CLEC5A: variants seen among roughly 807,000 people sequenced by gnomAD.
The protein encoded by CLEC5A is C-type lectin domain family 5 member A.
CLEC5A carries 15 observed loss-of-function variants against 24.4 expected under a neutral mutation model. The observed-to-expected ratio is 0.62, with a 90% CI of 0.41 to 0.95. The LOEUF (loss-of-function observed/expected upper bound fraction) is 0.95. CLEC5A is among the 40% of genes least tolerant of loss of function. The probability of loss-of-function intolerance (pLI) is 0.00; values close to 1 mark genes in which losing one functional copy is unlikely to be tolerated. For synonymous variants in CLEC5A, 71 were observed against 72.6 expected (o/e 0.98, Z 0.11); for missense variants, 211 against 224.0 (o/e 0.94, Z 0.37).
intron 5 of CLEC5A, among the ~76,000 whole-genome samples, chr7:141,934,144 G>A (rs916358566): frequency 2.0e-5 from 3 of 152,116 alleles, no homozygotes; most frequent in Admixed American, 6.5e-5. Flanking sequence ...GAGAACTGGC[G>A]TTTAACCCAC....
chr7:141,940,482 A>G (rs1554441524), intron 4 of CLEC5A, among the ~76,000 whole-genome samples: 1 of 151,892 alleles, frequency 6.6e-6, no homozygotes, highest in African/African-American at 2.4e-5. Context: ...AAGAAAAAAT[A>G]AAAACTTCAA....
chr7:141,937,844 T>C (rs1802675826), intron 4 of CLEC5A, among the ~76,000 whole-genome samples: 1 of 152,148 alleles, frequency 6.6e-6, no homozygotes, highest in Non-Finnish European at 1.5e-5. Context: ...GAGATTCTGT[T>C]TGGGAGAAAG....
chr7:141,930,808 A>C (rs1349670392), intron 6 of CLEC5A, among the ~76,000 whole-genome samples: 1 of 152,228 alleles, frequency 6.6e-6, no homozygotes, highest in African/African-American at 2.4e-5. Context: ...ACTTGTCCTC[A>C]GTTCAACTGT....
chr7:141,941,717 C>G (rs782489946), intron 4 of CLEC5A, among the ~76,000 whole-genome samples: 2 of 151,826 alleles, frequency 1.3e-5, no homozygotes, highest in Non-Finnish European at 2.9e-5. Context: ...AACTGATAAA[C>G]AAATTCAGTA....
intron 4 of CLEC5A, among the ~76,000 whole-genome samples, chr7:141,943,166 A>C (rs1802849268): frequency 6.6e-6 from 1 of 152,216 alleles, no homozygotes; most frequent in Non-Finnish European, 1.5e-5. Context: ...AAGATTTGGA[A>C]ACAACCTAAG....
rs147889771 is a variant in CLEC5A at position 141,935,165 on chromosome 7, G to A, written c.345+649C>T. ...AGAGGAGGAATAAAGGGATAGAAGC[G>A]AGAGAAGCAAGAGTATAGTGTATGT... is the stretch of plus-strand genomic sequence containing the variant. On this transcript the variant is annotated intron_variant, in intron 5 of 6. Coordinates refer to ENST00000546910, the MANE Select transcript of CLEC5A (RefSeq NM_013252.3). Among the ~76,000 whole-genome samples, 1,181 of 152,324 alleles carry A rather than the reference G, an allele frequency of 7.8e-3. 15 individuals carry two copies. Among genetic ancestry groups the A allele is most frequent in the African/African-American group, 0.026 (1,069 of 41,576 alleles).
intron 5 of CLEC5A, among the ~76,000 whole-genome samples, chr7:141,934,440 T>TG (rs1284758786): frequency 7.3e-5 from 11 of 151,104 alleles, no homozygotes; most frequent in Admixed American, 2.6e-4. Flanking sequence ...ACAGGAAGAG[T>TG]GGGGGGGTCA....
At chr7:141,942,775 T>C (rs868936188) in intron 4 of CLEC5A, among the ~76,000 whole-genome samples, 6 of 152,086 alleles carry the variant, frequency 3.9e-5, no homozygotes, top group Non-Finnish European at 8.8e-5. Flanking sequence ...AAGATCTGAA[T>C]AGACATTTCT....
chr7:141,946,088 G>T, intron 2 of CLEC5A, 126 bp downstream of exon 2: 5 of 971,452 alleles, frequency 5.1e-6, no homozygotes, highest in Non-Finnish European at 7.7e-6. Context: ...ACCTCAGGTT[G>T]GGTCAGTTAG....
intron 4 of CLEC5A, among the ~76,000 whole-genome samples, chr7:141,937,423 G>A (rs2128961347): frequency 6.6e-6 from 1 of 152,214 alleles, no homozygotes; most frequent in South Asian, 2.1e-4. Flanking sequence ...AGTGGTCATA[G>A]GGTGAAGCTC....
In CLEC5A at chr7:141,931,513, T is replaced by C. The variant is rs191255685; in HGVS notation, c.452+207A>G. ...AAATAATTTGCTATATGAATACTCT[T>C]CTTTCTCCTTATGAAAGTTTGATCT... is the stretch of plus-strand genomic sequence containing the variant. On this transcript the variant is annotated intron_variant, in intron 6 of 6. Transcript: ENST00000546910. 7.5e-4 allele frequency: 408 copies of C among 545,516 alleles called. 1 individual carries two copies. Among genetic ancestry groups the C allele is most frequent in the African/African-American group, 7.2e-3 (372 of 51,950 alleles). The allele number at this position is 545,516 out of a possible 1,614,324, so 33.8% of individuals were successfully genotyped here.
intron 4 of CLEC5A, among the ~76,000 whole-genome samples, chr7:141,942,550 C>A (rs1244389903): frequency 1.3e-5 from 2 of 151,938 alleles, no homozygotes; most frequent in African/African-American, 4.8e-5. Context: ...CAAGCACAGG[C>A]AACCAAAGGA....
At chr7:141,940,890 A>G (rs1237654007) in intron 4 of CLEC5A, among the ~76,000 whole-genome samples, 1 of 152,096 alleles carries the variant, frequency 6.6e-6, no homozygotes, top group African/African-American at 2.4e-5. Flanking sequence ...AAGAAATCCA[A>G]AACCTGAACA....
At position 141,928,529 on chromosome 7, in the gene CLEC5A, G is replaced by A. The variant is rs561288297; in HGVS notation, c.*1575C>T. 3 of 152,034 alleles carry A rather than the reference G, an allele frequency of 2.0e-5. No homozygotes were observed. The highest frequency in any genetic ancestry group is 2.1e-4 in the South Asian group (1 of 4,800). 9.4% of individuals were successfully genotyped at this position (152,034 alleles called of 1,614,324 possible). On this transcript the variant is annotated 3_prime_UTR_variant, in exon 7 of 7. Transcript: ENST00000546910. ...CAGTCAGAGAACTTGTATCTCCACC[G>A]GCTACTAATATAATTCCAATTTCCA... is the stretch of plus-strand genomic sequence containing the variant.
chr7:141,935,176 G>T (rs1563074506), intron 5 of CLEC5A, among the ~76,000 whole-genome samples: 1 of 152,226 alleles, frequency 6.6e-6, no homozygotes, highest in South Asian at 2.1e-4. Flanking sequence ...AGAGAAGCAA[G>T]AGTATAGTGT....
Position 141,930,010 on chromosome 7 carries a change from T to A in CLEC5A, c.*94A>T. 1.1e-6 allele frequency: 1 copy of A among 951,026 alleles called. No individual in the cohort carries two copies. The highest frequency in any genetic ancestry group is 1.6e-5 in the South Asian group (1 of 64,070). The allele number at this position is 951,026 out of a possible 1,614,324, so 58.9% of individuals were successfully genotyped here. ...CCAAATGGGCAAGGACCGCTACTGG[T>A]AGACAGATAGGTAAGTAAAAGAATC... On this transcript the variant is annotated 3_prime_UTR_variant, in exon 7 of 7. Coordinates refer to ENST00000546910, the MANE Select transcript of CLEC5A (RefSeq NM_013252.3).
chr7:141,930,739 C>T (rs192352205), intron 6 of CLEC5A, among the ~76,000 whole-genome samples: 7 of 152,226 alleles, frequency 4.6e-5, no homozygotes, highest in East Asian at 1.9e-4. Flanking sequence ...GCTCTGGTTT[C>T]GGAGAAATGT....
At chr7:141,942,438 A>G (rs1433602225) in intron 4 of CLEC5A, among the ~76,000 whole-genome samples, 1 of 152,180 alleles carries the variant, frequency 6.6e-6, no homozygotes, top group Non-Finnish European at 1.5e-5. Context: ...AAAATGGATT[A>G]AAGACTGAAA....
chr7:141,936,007 C>A, intron 4 of CLEC5A, 57 bp from the exon 5 acceptor site: 6 of 1,405,826 alleles, frequency 4.3e-6, no homozygotes, highest in Non-Finnish European at 6.0e-6. Context: ...ATGAATCCTG[C>A]AACTAAGTCA....
Sources: allele counts gnomAD v4.1 joint callset (sites outside exome capture counted in the v4.1 genomes callset), GRCh38; gene constraint gnomAD v4.1.1; transcripts MANE v1.5; gene names NCBI Gene and HGNC (gene_info 2026-07-23, HGNC 2026-07-21).